Variants in TYW3 observed in about 807,000 individuals in gnomAD.
TYW3 encodes the protein tRNA-yW synthesizing protein 3 homolog.
A neutral mutation model predicts 23.1 loss-of-function variants in TYW3; 26 were observed. The observed-to-expected ratio is 1.13, with a 90% CI of 0.83 to 1.56. The LOEUF is 1.56. TYW3 is among the 40% of genes most tolerant of loss of function. The probability of loss-of-function intolerance (pLI) is 0.00; values close to 1 mark genes in which losing one functional copy is unlikely to be tolerated. For missense variants in TYW3, 316 were observed against 311.9 expected, an observed-to-expected ratio of 1.01 and a Z score of -0.10; for synonymous variants, 102 against 105.7, an observed-to-expected ratio of 0.97 and a Z score of 0.21.
intron 3 of TYW3, among the ~76,000 whole-genome samples, chr1:74,746,379 T>C (rs1026163285): frequency 6.6e-6 from 1 of 152,216 alleles, no homozygotes. Flanking sequence ...AACCTTATTT[T>C]AGTCTCATTA....
At chr1:74,759,738 G>A (rs566069426) in intron 5 of TYW3, among the ~76,000 whole-genome samples, 1 of 152,290 alleles carries the variant, frequency 6.6e-6, no homozygotes, top group South Asian at 2.1e-4. Context: ...TCGCCTTCCA[G>A]GCTCAAGTGA....
Position 74,765,745 on chromosome 1 carries a change from C to G in TYW3, c.*1632C>G, listed in dbSNP as rs750595942. Reference sequence around the variant, plus strand: ...CTGCAGTTTTAAAATCTAAGAGGCTCATTGACTTTTCTTCATTCATTTAAA... The same window carrying G: ...CTGCAGTTTTAAAATCTAAGAGGCTGATTGACTTTTCTTCATTCATTTAAA... On this transcript the variant is annotated 3_prime_UTR_variant, in exon 6 of 6. Transcript: ENST00000370867. The G allele has an allele frequency of 2.6e-4, 40 of 152,104 alleles. No individual in the cohort carries two copies. The highest frequency in any genetic ancestry group is 9.4e-4 in the African/African-American group (39 of 41,444). 9.4% of individuals were successfully genotyped at this position (152,104 alleles called of 1,614,324 possible).
At chr1:74,756,587 T>G (rs1376198126) in intron 5 of TYW3, among the ~76,000 whole-genome samples, 1 of 152,132 alleles carries the variant, frequency 6.6e-6, no homozygotes, top group East Asian at 1.9e-4. Context: ...GTGACTTGGG[T>G]GCTGTTAAAC....
chr1:74,742,085 A>G lies in TYW3; in HGVS notation c.354+3297A>G, dbSNP rs147764889. ...TCTTGCAGGGGAAAGCTTCTATCCA[A>G]TTTGTAAAGGTATCAACACAGACCG... On this transcript the variant is annotated intron_variant, in intron 3 of 5. Transcript: ENST00000370867. Among the ~76,000 whole-genome samples, 474 of 152,308 alleles carry G rather than the reference A, an allele frequency of 3.1e-3. 1 individual carries two copies. Among genetic ancestry groups the G allele is most frequent in the African/African-American group, 0.01 (430 of 41,554 alleles).
At chr1:74,755,347 G>A (rs972994810) in intron 5 of TYW3, among the ~76,000 whole-genome samples, 10 of 152,054 alleles carry the variant, frequency 6.6e-5, no homozygotes, top group African/African-American at 2.2e-4. Context: ...TCGATTCCTC[G>A]TACTCCATTC....
At chr1:74,759,207 G>A (rs1041628983) in intron 5 of TYW3, among the ~76,000 whole-genome samples, 2 of 151,976 alleles carry the variant, frequency 1.3e-5, no homozygotes, top group Non-Finnish European at 2.9e-5. Context: ...GAAGTAATAG[G>A]TCCCTGAGTA....
At chr1:74,735,566 T>A (rs1174208628) in intron 1 of TYW3, among the ~76,000 whole-genome samples, 1 of 151,808 alleles carries the variant, frequency 6.6e-6, no homozygotes, top group Non-Finnish European at 1.5e-5. Context: ...CAAGAAAAAA[T>A]AAAAAGTGGG....
At chr1:74,744,810 T>C (rs1648499694) in intron 3 of TYW3, among the ~76,000 whole-genome samples, 1 of 152,220 alleles carries the variant, frequency 6.6e-6, no homozygotes, top group African/African-American at 2.4e-5. Flanking sequence ...CTGGAGTTTC[T>C]TCCTTCTTGT....
intron 2 of TYW3, among the ~76,000 whole-genome samples, chr1:74,736,866 A>G (rs1648172936): frequency 6.6e-6 from 1 of 152,224 alleles, no homozygotes; most frequent in Non-Finnish European, 1.5e-5. Flanking sequence ...GTTCATGGAT[A>G]TTGGACACCT....
chr1:74,764,110 C>G lies in TYW3; in HGVS notation c.777C>G (p.Tyr259Ter). The change falls in exon 6 of 6, where the codon TAC becomes TAG. Residue 259 changes from tyrosine (Y) to a stop codon, truncating the protein, a stop_gained. Transcript: ENST00000370867. LOFTEE classifies it high-confidence loss of function. The part of the protein sequence containing the change: ...GINVTIFPED[Y>*] ...ATGTTACCATCTTCCCTGAAGATTA[C>G]TAAGCTTTGGTTCTGATGTGTCTTG... 3 of 1,606,746 alleles carry G rather than the reference C, an allele frequency of 1.9e-6. No individual in the cohort carries two copies. Among genetic ancestry groups the G allele is most frequent in the Non-Finnish European group, 2.5e-6 (3 of 1,177,456 alleles).
intron 5 of TYW3, among the ~76,000 whole-genome samples, chr1:74,760,503 A>G (rs1427134649): frequency 1.3e-5 from 2 of 152,064 alleles, no homozygotes; most frequent in Non-Finnish European, 2.9e-5. Flanking sequence ...GTCAGCTTCC[A>G]TTCATCCTTG....
chr1:74,746,937 C>T (rs1648583640), intron 3 of TYW3, among the ~76,000 whole-genome samples: 1 of 152,086 alleles, frequency 6.6e-6, no homozygotes, highest in African/African-American at 2.4e-5. Context: ...GACAGAGGAA[C>T]AGCAAAAATA....
chr1:74,756,556 A>G (rs896105546), intron 5 of TYW3, among the ~76,000 whole-genome samples: 29 of 152,196 alleles, frequency 1.9e-4, no homozygotes, highest in African/African-American at 6.8e-4. Flanking sequence ...CAGAATTTCT[A>G]AGCAGCAAAG....
At chr1:74,761,117 C>G (rs1649124097) in intron 5 of TYW3, among the ~76,000 whole-genome samples, 1 of 149,846 alleles carries the variant, frequency 6.7e-6, no homozygotes, top group Admixed American at 6.7e-5. Context: ...TGTGAGAGTT[C>G]AGAAAATTGC....
intron 5 of TYW3, among the ~76,000 whole-genome samples, chr1:74,754,314 T>C (rs1648882295): frequency 6.6e-6 from 1 of 152,210 alleles, no homozygotes; most frequent in African/African-American, 2.4e-5. Flanking sequence ...CTCAAAAATA[T>C]GTTTTGAGAT....
chr1:74,761,880 A>G (rs1031732024), intron 5 of TYW3: 3 of 152,022 alleles, frequency 2.0e-5, no homozygotes, highest in African/African-American at 7.2e-5. Context: ...AGGATATGGA[A>G]AACATAAGCA....
chr1:74,743,595 A>C (rs1372259726), intron 3 of TYW3, among the ~76,000 whole-genome samples: 1 of 152,100 alleles, frequency 6.6e-6, no homozygotes, highest in Non-Finnish European at 1.5e-5. Flanking sequence ...TGAGTAATTC[A>C]TGGGCTTTTT....
chr1:74,739,831 T>G (rs28712886), intron 3 of TYW3, among the ~76,000 whole-genome samples: 19,538 of 152,026 alleles, frequency 0.13, 2,516 homozygotes, highest in East Asian at 0.64. Context: ...TGGTGTAAGG[T>G]GATAGCACCA....
At chr1:74,760,883 T>C (rs1324738449) in intron 5 of TYW3, among the ~76,000 whole-genome samples, 1 of 152,244 alleles carries the variant, frequency 6.6e-6, no homozygotes, top group East Asian at 1.9e-4. Context: ...CTGTTGAAAG[T>C]GGTTTTCTAA....
Sources: allele counts gnomAD v4.1 joint callset (sites outside exome capture counted in the v4.1 genomes callset), GRCh38; gene constraint gnomAD v4.1.1; transcripts MANE v1.5; gene names NCBI Gene and HGNC (gene_info 2026-07-23, HGNC 2026-07-21).